Variants in PARD3 observed in about 807,000 individuals in gnomAD.
PARD3 encodes par-3 family cell polarity regulator.
Under a neutral mutation model 155.4 loss-of-function variants are expected in PARD3, and 75 were observed. That is an observed-to-expected ratio of 0.48 (90% confidence interval 0.40 to 0.58). PARD3 has a LOEUF of 0.58. Among genes scored for constraint, PARD3 ranks in the 20% least tolerant of loss-of-function variants. The probability of loss-of-function intolerance (pLI) is 0.00; values close to 1 mark genes in which losing one functional copy is unlikely to be tolerated. For missense variants in PARD3, 1,642 were observed against 1,721.7 expected (o/e 0.95, Z 0.82); for synonymous variants, 576 against 610.5 (o/e 0.94, Z 0.83).
chr10:34,242,241 G>A (rs896197745), intron 22 of PARD3, among the ~76,000 whole-genome samples: 5 of 152,122 alleles, frequency 3.3e-5, no homozygotes, highest in African/African-American at 1.2e-4. Flanking sequence ...TACTTGATCA[G>A]TCTGTCTTCC....
intron 2 of PARD3, among the ~76,000 whole-genome samples, chr10:34,563,772 G>A (rs548316569): frequency 3.9e-5 from 6 of 152,140 alleles, no homozygotes; most frequent in Non-Finnish European, 7.4e-5. Flanking sequence ...CTCGTGATCC[G>A]CCCGCCTTGG....
chr10:34,810,504 C>A (rs934897180), intron 1 of PARD3, among the ~76,000 whole-genome samples: 10 of 152,178 alleles, frequency 6.6e-5, no homozygotes, highest in African/African-American at 2.4e-4. Flanking sequence ...AATAATCAAC[C>A]TGTAATCAAG....
At chr10:34,760,417 C>T (rs1156311263) in intron 1 of PARD3, among the ~76,000 whole-genome samples, 1 of 152,132 alleles carries the variant, frequency 6.6e-6, no homozygotes, top group African/African-American at 2.4e-5. Context: ...CTGTAACCTC[C>T]ACCTCCTGGG....
In PARD3 at chr10:34,318,223, C is replaced by T. The variant is rs1695512088; in HGVS notation, c.2834-885G>A. Among the ~76,000 whole-genome samples, 3 of 152,152 alleles carry T rather than the reference C, an allele frequency of 2.0e-5. No individual in the cohort carries two copies. In the South Asian group the frequency reaches 6.2e-4, roughly 32 times the overall value. On this transcript the variant is annotated intron_variant, in intron 19 of 24. Coordinates refer to ENST00000374788, the MANE Select transcript of PARD3 (RefSeq NM_001184785.2). ...AGTAAGTCTCCCCCTACCAAAAGAG[C>T]TTAAACATTTCTCTATTAAATAAGA...
At chr10:34,567,662 T>G (rs1436130855) in intron 2 of PARD3, among the ~76,000 whole-genome samples, 1 of 152,246 alleles carries the variant, frequency 6.6e-6, no homozygotes, top group East Asian at 1.9e-4. Context: ...GTTATGCACT[T>G]TGACAATTTA....
chr10:34,125,058 G>C (rs1179993258), intron 23 of PARD3, among the ~76,000 whole-genome samples: 1 of 144,830 alleles, frequency 6.9e-6, no homozygotes, highest in Non-Finnish European at 1.5e-5. Flanking sequence ...CTTATCTCCA[G>C]GTCTATTTCT....
intron 1 of PARD3, among the ~76,000 whole-genome samples, chr10:34,746,442 C>T (rs1043285850): frequency 6.6e-6 from 1 of 152,036 alleles, no homozygotes; most frequent in Non-Finnish European, 1.5e-5. Flanking sequence ...AGTAAGACCT[C>T]GTCTCTAAAT....
chr10:34,750,754 T>A (rs1835928942), intron 1 of PARD3, among the ~76,000 whole-genome samples: 1 of 150,974 alleles, frequency 6.6e-6, no homozygotes, highest in Admixed American at 6.6e-5. Context: ...AGTGGCACGA[T>A]CTTGGCTCAT....
At chr10:34,163,720 T>C (rs548401565) in intron 22 of PARD3, among the ~76,000 whole-genome samples, 4 of 152,320 alleles carry the variant, frequency 2.6e-5, no homozygotes, top group Admixed American at 6.5e-5. Flanking sequence ...TCTGTGGGCA[T>C]AGTTTGCAAA....
chr10:34,442,632 G>A (rs952125114), intron 5 of PARD3, among the ~76,000 whole-genome samples: 5 of 152,332 alleles, frequency 3.3e-5, no homozygotes, highest in Admixed American at 3.3e-4. Context: ...ACTTCGGGAG[G>A]CTAAAGCAGG....
chr10:34,392,947 A>AT (rs1347948201), intron 7 of PARD3, among the ~76,000 whole-genome samples: 3 of 152,156 alleles, frequency 2.0e-5, no homozygotes, highest in Admixed American at 6.6e-5. Context: ...ACTGCAGCCT[A>AT]TGAGTCAATT....
intron 22 of PARD3, among the ~76,000 whole-genome samples, chr10:34,246,335 C>A (rs186265430): frequency 4.1e-4 from 62 of 152,246 alleles, no homozygotes; most frequent in African/African-American, 1.3e-3. Flanking sequence ...AAATAGGAAA[C>A]AACTATTTTC....
intron 22 of PARD3, among the ~76,000 whole-genome samples, chr10:34,182,301 T>C (rs1000611671): frequency 7.2e-5 from 11 of 152,214 alleles, no homozygotes; most frequent in South Asian, 2.1e-4. Flanking sequence ...AAGAGAAATA[T>C]TGATACTTCT....
chr10:34,520,171 A>G (rs534404202), intron 2 of PARD3, among the ~76,000 whole-genome samples: 1 of 152,316 alleles, frequency 6.6e-6, no homozygotes, highest in East Asian at 1.9e-4. Flanking sequence ...AACAAATGCT[A>G]TTTCCATGAA....
chr10:34,690,989 G>C (rs555303101), intron 2 of PARD3, among the ~76,000 whole-genome samples: 1 of 152,284 alleles, frequency 6.6e-6, no homozygotes, highest in African/African-American at 2.4e-5. Context: ...GAGGCAGGAG[G>C]AGCACTTGAG....
chr10:34,627,739 T>C (rs1436128083), intron 2 of PARD3, among the ~76,000 whole-genome samples: 1 of 152,188 alleles, frequency 6.6e-6, no homozygotes, highest in Admixed American at 6.5e-5. Context: ...CCTCCAGAAC[T>C]GTGAGACAAT....
chr10:34,689,916 CCTCA>C (rs1230869882), intron 2 of PARD3, among the ~76,000 whole-genome samples: 3 of 149,820 alleles, frequency 2.0e-5, no homozygotes, highest in Non-Finnish European at 4.4e-5. Context: ...TCCACCTTAC[CCTCA>C]CTGATTTTTA....
Position 34,748,021 on chromosome 10 carries a change from G to A in PARD3, c.121-51602C>T, listed in dbSNP as rs568799998. ...GGAGCAGAGAGGGAGCACAGGAATG[G>A]ACGTGGGGGTTACCACCATGACAAG... On this transcript the variant is annotated intron_variant, in intron 1 of 24. Coordinates refer to ENST00000374788, the MANE Select transcript of PARD3 (RefSeq NM_001184785.2). 4.0e-5 allele frequency among the ~76,000 whole-genome samples: 6 copies of A among 150,912 alleles called. No homozygotes were observed. The East Asian group carries it at 1.2e-3, about 29-fold the overall frequency.
intron 22 of PARD3, among the ~76,000 whole-genome samples, chr10:34,245,942 G>A (rs1041574634): frequency 2.6e-5 from 4 of 152,224 alleles, no homozygotes; most frequent in African/African-American, 9.6e-5. Context: ...AGACGTGACA[G>A]GGAGAAACAT....
Sources: allele counts gnomAD v4.1 joint callset (sites outside exome capture counted in the v4.1 genomes callset), GRCh38; gene constraint gnomAD v4.1.1; transcripts MANE v1.5; gene names NCBI Gene and HGNC (gene_info 2026-07-23, HGNC 2026-07-21).